The following PSD4 variants were observed in gnomAD, a reference collection of about 807,000 sequenced individuals.
PSD4 encodes the protein pleckstrin and Sec7 domain containing 4.
In PSD4, 59 loss-of-function variants were observed where a neutral mutation model predicts 112.5. The ratio of observed to expected loss-of-function variants is 0.52; its 90% CI spans 0.43 to 0.65. The LOEUF (loss-of-function observed/expected upper bound fraction) is 0.65, where lower values mean the gene tolerates loss of function less well. PSD4 is among the 30% of genes least tolerant of loss of function. The probability of loss-of-function intolerance (pLI) is 0.00; values close to 1 mark genes in which losing one functional copy is unlikely to be tolerated. For synonymous variants in PSD4, 533 were observed against 540.0 expected, an observed-to-expected ratio of 0.99 and a Z score of 0.18; for missense variants, 1,267 against 1,352.6, an observed-to-expected ratio of 0.94 and a Z score of 0.99.
At position 113,196,223 on chromosome 2, in the gene PSD4, C is replaced by T; in HGVS notation, c.2302C>T (p.Gln768Ter). 1 of 1,614,154 alleles carries T rather than the reference C, an allele frequency of 6.2e-7. No homozygotes were observed. Among genetic ancestry groups the T allele is most frequent in the Non-Finnish European group, 8.5e-7 (1 of 1,179,972 alleles). ...TGGCAAGATGAGCAAGCCCTTCCTT[C>T]AGCTGGCTCAGGATCCCACAGTGCC... ...PAGKMSKPFL[Q>*]LAQDPTVPTY... The change falls in exon 12 of 17, where the codon CAG (glutamine) becomes TAG (stop). Residue 768 changes from glutamine (Q) to a stop codon, truncating the protein, a stop_gained. Coordinates refer to ENST00000245796, the MANE Select transcript of PSD4 (RefSeq NM_012455.3). LOFTEE classifies it high-confidence loss of function.
chr2:113,182,557 G>A lies in PSD4; in HGVS notation c.101G>A (p.Arg34Lys). The change falls in exon 2 of 17, where the codon AGG becomes AAG. Residue 34 changes from arginine to lysine, a missense_variant. By Grantham distance (26) the Arg-to-Lys change is conservative. Around this residue, in one of 2 missense-constraint regions of PSD4, gnomAD observed 723 missense variants for 704.0 expected, o/e 1.03. Transcript: ENST00000245796. ...GAGCCCCACCCAGGAGAGTGCCCAA[G>A]GGAAACGTGCAGCCATGAGGATCCA... ...SLEPHPGECPRETCSHEDPPE... is the reference protein window; with the variant it reads ...SLEPHPGECPKETCSHEDPPE... 2 of 1,614,214 alleles carry A rather than the reference G, an allele frequency of 1.2e-6. No homozygotes were observed. Among genetic ancestry groups the A allele is most frequent in the Non-Finnish European group, 1.7e-6 (2 of 1,180,034 alleles).
chr2:113,196,432 T>A (rs1182227016), intron 12 of PSD4, 125 bp downstream of exon 12: 1 of 1,249,806 alleles, frequency 8.0e-7, no homozygotes, highest in Non-Finnish European at 1.1e-6. Context: ...CCAGCCCATG[T>A]TCCTTCCTCA....
chr2:113,186,221 G>C lies in PSD4; in HGVS notation c.1594G>C (p.Val532Leu), dbSNP rs753908522. 2 of 1,602,564 alleles carry C rather than the reference G, an allele frequency of 1.2e-6. No homozygotes were observed. Among genetic ancestry groups the C allele is most frequent in the Non-Finnish European group, 1.7e-6 (2 of 1,172,982 alleles). ...AGCCAGGCCTGCAGAGACTGGAGAC[G>C]TCCAGCCTGACATTCACCTGACTTC... ...GTARPAETGD[V>L]QPDIHLTSAE... Residue 532 changes from valine (V) to leucine (L), a missense_variant, in exon 5 of 17, where the codon GTC becomes CTC. Physicochemically the swap from Val to Leu is conservative, Grantham distance 32. This residue lies in a region of PSD4 where 723 missense variants were observed against 704.0 expected (regional missense o/e 1.03). Coordinates refer to ENST00000245796, the MANE Select transcript of PSD4 (RefSeq NM_012455.3).
rs1688470862 is a variant in PSD4 at position 113,192,473 on chromosome 2, T to A, written c.1722T>A (p.Ala574=). The A allele has an allele frequency of 1.9e-6, 3 of 1,614,214 alleles. No homozygotes were observed. In the East Asian group the frequency reaches 6.7e-5, roughly 36 times the overall value. The stretch of plus-strand genomic sequence containing the variant: ...CAGAGGAAGGCCAGAGACCACCAGC[T>A]GGAGACAAGCTAGCTAATGGCGTCA... The part of the protein sequence containing the change: ...QSPEEGQRPP[A]GDKLANGVRN... Residue 574 remains alanine (A), a synonymous_variant, in exon 6 of 17, where the codon GCT becomes GCA. Coordinates refer to ENST00000245796, the MANE Select transcript of PSD4 (RefSeq NM_012455.3).
Position 113,183,263 on chromosome 2 carries a change from G to C in PSD4, c.807G>C (p.Gly269=). ...CTTCTGGAGAGTGCTTTTCCTGGGG[G>C]GCTTCAGACTCCCATGCAGGTGTGA... The part of the protein sequence containing the change: ...NSASGECFSW[G]ASDSHAGVRT... Residue 269 remains glycine (G), a synonymous_variant, in exon 2 of 17, where the codon GGG becomes GGC. Coordinates refer to ENST00000245796, the MANE Select transcript of PSD4 (RefSeq NM_012455.3). 6.2e-7 allele frequency: 1 copy of C among 1,614,094 alleles called. No individual in the cohort carries two copies. The highest frequency in any genetic ancestry group is 1.1e-5 in the South Asian group (1 of 91,086).
Position 113,182,429 on chromosome 2 carries a change from G to A in PSD4, c.-28G>A, listed in dbSNP as rs201722827. 2,256 of 1,560,394 alleles carry A rather than the reference G, an allele frequency of 1.4e-3. 5 individuals carry two copies. The highest frequency in any genetic ancestry group is 2.5e-3 in the South Asian group (207 of 84,468). ...AGACCGTGAAAGCAGATGCTCCGGG[G>A]CACTCCTGGGCAGCTTTTGCTCAGT... On this transcript the variant is annotated 5_prime_UTR_variant, in exon 2 of 17. Transcript: ENST00000245796.
intron 16 of PSD4, among the ~76,000 whole-genome samples, chr2:113,200,832 A>G (rs1688756042): frequency 1.3e-5 from 2 of 152,156 alleles, no homozygotes; most frequent in South Asian, 2.1e-4. Context: ...TAGGGCTGCA[A>G]AGATCTCAGG....
intron 16 of PSD4, among the ~76,000 whole-genome samples, chr2:113,200,514 C>A (rs1372735476): frequency 2.6e-5 from 4 of 152,172 alleles, no homozygotes; most frequent in Non-Finnish European, 5.9e-5. Context: ...TTCTCAGAGG[C>A]CTCAGGGTGT....
chr2:113,195,534 C>CGGATGGATGGATGGAT (rs61576963), intron 10 of PSD4, among the ~76,000 whole-genome samples, 193 bp from the exon 11 acceptor site: 1 of 150,514 alleles, frequency 6.6e-6, no homozygotes, highest in Non-Finnish European at 1.5e-5. Flanking sequence ...CTTTGTTGCA[C>CGGATGGATGGATGGAT]GGATGGATGG....
At chr2:113,186,567 G>A (rs1168735575) in intron 5 of PSD4, among the ~76,000 whole-genome samples, 1 of 152,210 alleles carries the variant, frequency 6.6e-6, no homozygotes, top group African/African-American at 2.4e-5. Flanking sequence ...GGGAACCTGA[G>A]CAAGGGCGTG....
Position 113,183,485 on chromosome 2 carries a change from A to T in PSD4, c.1029A>T (p.Ala343=). The change falls in exon 2 of 17, where the codon GCA becomes GCT. Residue 343 remains alanine, a synonymous_variant. Coordinates refer to ENST00000245796, the MANE Select transcript of PSD4 (RefSeq NM_012455.3). ...ASVAAAEGAP[A]APPGHGESEG... is the part of the protein sequence containing the mutation. ...TGGCTGCCGCTGAGGGGGCTCCTGC[A>T]GCACCTCCTGGTCACGGGGAGAGTG... 6.3e-7 allele frequency: 1 copy of T among 1,587,930 alleles called. No homozygotes were observed. The highest frequency in any genetic ancestry group is 1.3e-5 in the African/African-American group (1 of 74,154).
chr2:113,183,140 G>A lies in PSD4; in HGVS notation c.684G>A (p.Glu228=), dbSNP rs1413712972. 3 of 1,614,138 alleles carry A rather than the reference G, an allele frequency of 1.9e-6. No homozygotes were observed. The highest frequency in any genetic ancestry group is 2.2e-5 in the East Asian group (1 of 44,884). Residue 228 remains glutamate, a synonymous_variant, in exon 2 of 17, where the codon GAG becomes GAA. Coordinates refer to ENST00000245796, the MANE Select transcript of PSD4 (RefSeq NM_012455.3). The part of the protein sequence containing the change: ...PEGEGQAWLR[E]GTPDSSPQWG... ...GAGAGGGCCAGGCATGGCTGAGAGAGGGAACCCCAGACTCTTCCCCACAGT... is the reference window on the plus strand; with the variant it reads ...GAGAGGGCCAGGCATGGCTGAGAGAAGGAACCCCAGACTCTTCCCCACAGT...
chr2:113,179,511 A>C (rs1468354001), intron 1 of PSD4, among the ~76,000 whole-genome samples: 1 of 152,222 alleles, frequency 6.6e-6, no homozygotes. Flanking sequence ...AAATGAGGGC[A>C]AGTTTATTAG....
At chr2:113,174,687 G>A (rs775908815) in intron 1 of PSD4, among the ~76,000 whole-genome samples, 4 of 152,170 alleles carry the variant, frequency 2.6e-5, no homozygotes, top group Non-Finnish European at 5.9e-5. Context: ...GTTTAGCTCT[G>A]GCTTAGGCCT....
In PSD4 at chr2:113,196,298, G is replaced by A. The variant is rs751457891; in HGVS notation, c.2377G>A (p.Gly793Ser). 30 of 1,612,694 alleles carry A rather than the reference G, an allele frequency of 1.9e-5. No homozygotes were observed. Among genetic ancestry groups the A allele is most frequent in the Non-Finnish European group, 2.2e-5 (26 of 1,178,986 alleles). ...LARKMHQDADGKKTPWGKRGW... is the reference protein window; with the variant it reads ...LARKMHQDADSKKTPWGKRGW... ...TCGGAAAATGCATCAAGATGCAGACGGCAAGAAGAGTGAGTGTCTGCTGCC... is the reference window on the plus strand; with the variant it reads ...TCGGAAAATGCATCAAGATGCAGACAGCAAGAAGAGTGAGTGTCTGCTGCC... The change falls in exon 12 of 17, where the codon GGC becomes AGC. Residue 793 changes from glycine (G) to serine (S), a missense_variant. Gly to Ser is a moderately conservative substitution (Grantham distance 56, BLOSUM62 0). Transcript: ENST00000245796.
At position 113,182,716 on chromosome 2, in the gene PSD4, G is replaced by T. The variant is rs1360715308; in HGVS notation, c.260G>T (p.Cys87Phe). ...GTCCATCAGGACGGGCTGGAGCCTT[G>T]CCAGGAGCAAACCCGGGCCACTGAC... ...SWVHQDGLEPCQEQTRATDPP... is the reference protein window; with the variant it reads ...SWVHQDGLEPFQEQTRATDPP... Residue 87 changes from cysteine to phenylalanine, a missense_variant, in exon 2 of 17, where the codon TGC becomes TTC. Cys to Phe is a radical substitution (Grantham distance 205). Around this residue, in one of 2 missense-constraint regions of PSD4, gnomAD observed 723 missense variants for 704.0 expected, o/e 1.03. Coordinates refer to ENST00000245796, the MANE Select transcript of PSD4 (RefSeq NM_012455.3). 1 of 1,601,374 alleles carries T rather than the reference G, an allele frequency of 6.2e-7. No homozygotes were observed. The highest frequency in any genetic ancestry group is 1.1e-5 in the South Asian group (1 of 90,222).
rs1358297259 is a variant in PSD4 at position 113,203,550 on chromosome 2, C to CTTTTTTTTTT, written c.*2156_*2165dup. ...TATTTGACCTCACTGAACATGCATC[C>CTTTTTTTTTT]TTTTTTTTTTTTTTTTTTTTTTTTT... On this transcript the variant is annotated 3_prime_UTR_variant, in exon 17 of 17. Coordinates refer to ENST00000245796, the MANE Select transcript of PSD4 (RefSeq NM_012455.3). 5.0e-5 allele frequency: 5 copies of CTTTTTTTTTT among 100,048 alleles called. No individual in the cohort carries two copies. Among genetic ancestry groups the CTTTTTTTTTT allele is most frequent in the East Asian group, 3.4e-4 (1 of 2,912 alleles). The allele number at this position is 100,048 out of a possible 1,614,324, so 6.2% of individuals were successfully genotyped here. A position where few individuals can be genotyped will look rare whatever the true frequency, so the allele number is the denominator to read the frequency against.
rs1028040291 is a variant in PSD4 at position 113,183,091 on chromosome 2, G to A, written c.635G>A (p.Gly212Glu). 1.2e-6 allele frequency: 2 copies of A among 1,613,460 alleles called. No homozygotes were observed. The highest frequency in any genetic ancestry group is 1.7e-6 in the Non-Finnish European group (2 of 1,179,590). Residue 212 changes from glycine to glutamate, a missense_variant, in exon 2 of 17, where the codon GGG becomes GAG. Coordinates refer to ENST00000245796, the MANE Select transcript of PSD4 (RefSeq NM_012455.3). ...HSSPPENEDS[G>E]EDSSEPEGEG... ...AGCCCACCTGAGAATGAAGACTCAG[G>A]GGAAGACAGCAGTGAGCCTGAGGGA...
intron 10 of PSD4, among the ~76,000 whole-genome samples, chr2:113,194,870 C>T (rs1417595959): frequency 6.6e-6 from 1 of 152,198 alleles, no homozygotes; most frequent in East Asian, 1.9e-4. Flanking sequence ...TTATATGGTA[C>T]ATGGCTGTAC....
Sources: allele counts gnomAD v4.1 joint callset (sites outside exome capture counted in the v4.1 genomes callset), GRCh38; gene constraint gnomAD v4.1.1; regional missense constraint gnomAD v4.1.1; transcripts MANE v1.5; gene names NCBI Gene and HGNC (gene_info 2026-07-23, HGNC 2026-07-21).